CDCP2: variants seen among roughly 807,000 people sequenced by gnomAD.
The protein encoded by CDCP2 is CUB domain-containing protein 2.
In CDCP2, 31 loss-of-function variants were observed where a neutral mutation model predicts 31.0. The ratio of observed to expected loss-of-function variants is 1.00; its 90% CI spans 0.75 to 1.35. The LOEUF is 1.35. CDCP2 is among the 40% of genes most tolerant of loss of function. The pLI is 0.00. For synonymous variants in CDCP2, 206 were observed against 207.9 expected (o/e 0.99, Z 0.08); for missense variants, 443 against 482.6 (o/e 0.92, Z 0.77).
At chr1:54,148,563 G>A (rs979427817) in intron 1 of CDCP2, among the ~76,000 whole-genome samples, 1 of 151,632 alleles carries the variant, frequency 6.6e-6, no homozygotes, top group African/African-American at 2.4e-5. Context: ...TGAATCTCAG[G>A]AAGTCTCTGG....
chr1:54,151,565 C>T (rs1659584440), intron 1 of CDCP2, among the ~76,000 whole-genome samples: 1 of 152,172 alleles, frequency 6.6e-6, no homozygotes, highest in Admixed American at 6.6e-5. Flanking sequence ...GCCCCTTAAG[C>T]CCCAGTGGCC....
chr1:54,133,897 A>AAAACAAACAAACAAAC (rs1390294285), intron 5 of CDCP2, among the ~76,000 whole-genome samples: 2 of 33,434 alleles, frequency 6.0e-5, no homozygotes, highest in Non-Finnish European at 2.0e-4. Context: ...CTCCATCTCA[A>AAAACAAACAAACAAAC]AAACAAACAA....
At position 54,140,111 on chromosome 1, in the gene CDCP2, A is replaced by G. The variant is rs781314176; in HGVS notation, c.764-5T>C. On this transcript the variant is annotated splice_region_variant and splice_polypyrimidine_tract_variant and intron_variant, in intron 3 of 5. Coordinates refer to ENST00000530059, the Ensembl canonical transcript of CDCP2. ...TGTATACCTCCTGGCATTCTCCTGG[A>G]TGGGGGATGGGGAGGTGGAAGGAGC... 9.3e-6 allele frequency: 15 copies of G among 1,611,994 alleles called. No individual in the cohort carries two copies. Among genetic ancestry groups the G allele is most frequent in the Non-Finnish European group, 1.3e-5 (15 of 1,179,182 alleles).
At chr1:54,140,834 G>A (rs113267612) in intron 3 of CDCP2, 9 of 355,168 alleles carry the variant, frequency 2.5e-5, no homozygotes, top group African/African-American at 1.2e-4. Context: ...ACACACAGAA[G>A]TGACAAATGT....
chr1:54,145,769 G>A (rs973251628), intron 1 of CDCP2, among the ~76,000 whole-genome samples: 6 of 152,124 alleles, frequency 3.9e-5, no homozygotes, highest in South Asian at 2.1e-4. Flanking sequence ...AAAGAGGGGA[G>A]GAAGCAGGCA....
intron 2 of CDCP2, 21 bp downstream of exon 2, chr1:54,144,445 T>C: frequency 6.5e-7 from 1 of 1,544,278 alleles, no homozygotes; most frequent in African/African-American, 1.4e-5. Context: ...CTGCAACAGG[T>C]CCCTAAGGCC....
intron 5 of CDCP2, among the ~76,000 whole-genome samples, chr1:54,136,014 G>A (rs189435598): frequency 5.6e-4 from 85 of 152,266 alleles, no homozygotes; most frequent in African/African-American, 2.0e-3. Flanking sequence ...ACTCTGTGAG[G>A]GCCCTAAGTC....
exon 2 of CDCP2, chr1:54,144,613 C>G (rs1659429809): frequency 6.2e-7 from 1 of 1,614,090 alleles, no homozygotes; most frequent in Non-Finnish European, 8.5e-7. Context: ...TCTGGTGAGG[C>G]CCCATTGTAG....
intron 3 of CDCP2, 34 bp from the exon 4 acceptor site, chr1:54,140,140 A>T (rs546992692): frequency 1.3e-6 from 2 of 1,594,392 alleles, no homozygotes; most frequent in African/African-American, 1.3e-5. Flanking sequence ...AAGGAGCAAC[A>T]GTGAGGGGAG....
At position 54,141,450 on chromosome 1, in the gene CDCP2, T is replaced by C. The variant is rs749284952; in HGVS notation, c.428-17A>G. 4.5e-6 allele frequency: 7 copies of C among 1,572,846 alleles called. No homozygotes were observed. The East Asian group carries it at 1.1e-4, about 25-fold the overall frequency. On this transcript the variant is annotated splice_polypyrimidine_tract_variant and intron_variant, in intron 2 of 5. Transcript: ENST00000530059. ...CACACACATCTGCAAGGGAGCCCAC[T>C]TGAGCTGACCTTTCTTTCTCCTTGT...
At position 54,136,624 on chromosome 1, in the gene CDCP2, C is replaced by T. The variant is rs913562975; in HGVS notation, c.1296+6G>A. Reference sequence around the variant, plus strand: ...CCTTGTGACTGCCCCTTCCCCCAGCCCCTACCTGAGACTCAGTGCCGCAGG... The same window carrying T: ...CCTTGTGACTGCCCCTTCCCCCAGCTCCTACCTGAGACTCAGTGCCGCAGG... On this transcript the variant is annotated splice_donor_region_variant and intron_variant, in intron 5 of 5. Coordinates refer to ENST00000530059, the Ensembl canonical transcript of CDCP2. 5.0e-6 allele frequency: 2 copies of T among 399,084 alleles called. No homozygotes were observed. The highest frequency in any genetic ancestry group is 4.1e-5 in the African/African-American group (2 of 48,654). 24.7% of individuals were successfully genotyped at this position (399,084 alleles called of 1,614,324 possible). A position where few individuals can be genotyped will look rare whatever the true frequency, so the allele number is the denominator to read the frequency against.
intron 1 of CDCP2, among the ~76,000 whole-genome samples, chr1:54,149,659 G>T (rs183852455): frequency 4.6e-5 from 7 of 152,236 alleles, no homozygotes; most frequent in Admixed American, 6.5e-5. Context: ...CTTCTCCATA[G>T]AATTCGTCAC....
chr1:54,140,534 C>T (rs1398770214), intron 3 of CDCP2: 3 of 254,820 alleles, frequency 1.2e-5, no homozygotes, highest in African/African-American at 6.9e-5. Context: ...CAGGCCTTTG[C>T]ACATGCTGTT....
chr1:54,141,167 C>G, exon 3 of CDCP2: 2 of 1,573,174 alleles, frequency 1.3e-6, no homozygotes, highest in East Asian at 4.5e-5. Context: ...ACCTGCAGTT[C>G]GTGGCCCAGA....
In CDCP2 at chr1:54,144,488, G is replaced by T. The variant is rs1452160387; in HGVS notation, c.405C>A (p.Gly135=). ...GACCTTTCTGGTAGCCCGCAGAAAA[G>T]CCATGGCTGGCCACATGCTTGTCCG... is the stretch of plus-strand genomic sequence containing the variant. Residue 135 remains glycine, a synonymous_variant, in exon 2 of 6, where the codon GGC becomes GGA. Transcript: ENST00000530059. 3 of 1,585,002 alleles carry T rather than the reference G, an allele frequency of 1.9e-6. No homozygotes were observed. The South Asian group carries it at 3.5e-5, about 19-fold the overall frequency.
At chr1:54,139,323 C>T (rs1419558294) in intron 4 of CDCP2, 8 of 578,014 alleles carry the variant, frequency 1.4e-5, no homozygotes, top group African/African-American at 1.3e-4. Flanking sequence ...AAACAAGCAC[C>T]ATGTTTTCAA....
intron 1 of CDCP2, among the ~76,000 whole-genome samples, chr1:54,150,622 A>G (rs940993402): frequency 1.3e-5 from 2 of 152,032 alleles, no homozygotes; most frequent in African/African-American, 4.8e-5. Context: ...CTTATTATTT[A>G]TGCTCAGGAC....
At chr1:54,144,498 G>A (rs776911329) in exon 2 of CDCP2, 3 of 1,593,308 alleles carry the variant, frequency 1.9e-6, no homozygotes, top group Non-Finnish European at 2.6e-6. Context: ...GCCATGGCTG[G>A]CCACATGCTT....
intron 5 of CDCP2, among the ~76,000 whole-genome samples, chr1:54,133,856 A>G (rs1346940903): frequency 6.6e-6 from 1 of 151,960 alleles, no homozygotes. Flanking sequence ...AGATCGAGCC[A>G]CTGCACTCCA....
Sources: allele counts gnomAD v4.1 joint callset (sites outside exome capture counted in the v4.1 genomes callset), GRCh38; gene constraint gnomAD v4.1.1; transcripts MANE v1.5; gene names NCBI Gene and HGNC (gene_info 2026-07-23, HGNC 2026-07-21).